Variants in ARID1A observed in about 807,000 individuals in gnomAD.
ARID1A encodes the protein AT-rich interactive domain-containing protein 1A.
A neutral mutation model predicts 212.6 loss-of-function variants in ARID1A; 20 were observed. The observed-to-expected ratio is 0.09, with a 90% CI of 0.07 to 0.14. The LOEUF (loss-of-function observed/expected upper bound fraction) is 0.14. Among genes scored for constraint, ARID1A ranks in the 10% least tolerant of loss-of-function variants. The probability of loss-of-function intolerance (pLI) is 1.00; values close to 1 mark genes in which losing one functional copy is unlikely to be tolerated. For synonymous variants in ARID1A, 1,376 were observed against 1,222.1 expected, an observed-to-expected ratio of 1.13 and a Z score of -2.63; for missense variants, 2,587 against 3,059.0, an observed-to-expected ratio of 0.85 and a Z score of 3.64.
At position 26,697,058 on chromosome 1, in the gene ARID1A, C is replaced by A. The variant is rs2124742914; in HGVS notation, c.655C>A (p.Arg219Ser). 1 of 1,525,988 alleles carries A rather than the reference C, an allele frequency of 6.6e-7. No homozygotes were observed. Among genetic ancestry groups the A allele is most frequent in the Non-Finnish European group, 8.8e-7 (1 of 1,140,928 alleles). 94.5% of individuals were successfully genotyped at this position (1,525,988 alleles called of 1,614,324 possible). A position where few individuals can be genotyped will look rare whatever the true frequency, so the allele number is the denominator to read the frequency against. ...CCAGTACAACTCCTACTACCCCAAC[C>A]GCAGCGCCTACCCCCCGCCCGCCCC... ...NHQYNSYYPN[R>S]SAYPPPAPAY... The change falls in exon 1 of 20, where the codon CGC becomes AGC. Residue 219 changes from arginine to serine, a missense_variant. By Grantham distance (110) the Arg-to-Ser change is moderately radical. Coordinates refer to ENST00000324856, the MANE Select transcript of ARID1A (RefSeq NM_006015.6).
At chr1:26,768,060 T>A in intron 11 of ARID1A, 61 bp downstream of exon 11, 1 of 1,523,592 alleles carries the variant, frequency 6.6e-7, no homozygotes, top group Non-Finnish European at 9.0e-7. Flanking sequence ...TTCTAGGTAC[T>A]CACTGGCTTC....
At chr1:26,753,787 T>C (rs2080904911) in intron 4 of ARID1A, among the ~76,000 whole-genome samples, 1 of 152,334 alleles carries the variant, frequency 6.6e-6, no homozygotes, top group South Asian at 2.1e-4. Flanking sequence ...TGTGCTCTTT[T>C]GGGAGAATTG....
chr1:26,703,868 C>G (rs1458177214), intron 1 of ARID1A, among the ~76,000 whole-genome samples: 1 of 152,198 alleles, frequency 6.6e-6, no homozygotes, highest in East Asian at 1.9e-4. Context: ...TGCTTATGTG[C>G]ACACATCTGG....
In ARID1A at chr1:26,707,380, T is replaced by C. The variant is rs541615977; in HGVS notation, c.1137+9840T>C. On this transcript the variant is annotated intron_variant, in intron 1 of 19. Transcript: ENST00000324856. The stretch of plus-strand genomic sequence containing the variant: ...CCTTCCACCACGCCCTGCTAATTTT[T>C]GTATTTTTAGTAGAGATGGGGTTTC... 2.6e-5 allele frequency among the ~76,000 whole-genome samples: 4 copies of C among 151,974 alleles called. No individual in the cohort carries two copies. In the South Asian group the frequency reaches 8.3e-4, roughly 32 times the overall value.
At chr1:26,755,134 G>A (rs1240083127) in intron 4 of ARID1A, among the ~76,000 whole-genome samples, 1 of 152,096 alleles carries the variant, frequency 6.6e-6, no homozygotes, top group African/African-American at 2.4e-5. Flanking sequence ...AACCAAAATG[G>A]TAATGGTAGT....
In ARID1A at chr1:26,777,705, G is replaced by A. The variant is rs372787405; in HGVS notation, c.5125-1318G>A. ...CCCAGCACTTCAGGAGGCCGAGGCAGGAGGATCATTTGAGGTCAGGAGTTT... is the reference window on the plus strand; with the variant it reads ...CCCAGCACTTCAGGAGGCCGAGGCAAGAGGATCATTTGAGGTCAGGAGTTT... On this transcript the variant is annotated intron_variant, in intron 19 of 19. Transcript: ENST00000324856. 1.3e-4 allele frequency among the ~76,000 whole-genome samples: 20 copies of A among 152,276 alleles called. No individual in the cohort carries two copies. The East Asian group carries it at 3.1e-3, about 24-fold the overall frequency.
intron 1 of ARID1A, among the ~76,000 whole-genome samples, chr1:26,719,897 C>T (rs1201818772): frequency 2.8e-5 from 4 of 142,862 alleles, no homozygotes; most frequent in African/African-American, 1.1e-4. Flanking sequence ...GCCGAGATCG[C>T]GCCATTACAC....
rs552879011 is a variant in ARID1A at position 26,770,902 on chromosome 1, C to CT, written c.3199-216dup. On this transcript the variant is annotated intron_variant, in intron 11 of 19. Transcript: ENST00000324856. ...TTGCCCTGTTGTGAATAAGCACAGT[C>CT]TGATAGTTGCAGTGGAACATCCTGA... The CT allele has an allele frequency of 0.01, 5,969 of 578,284 alleles. 52 individuals are homozygous for CT. The highest frequency in any genetic ancestry group is 0.014 in the Middle Eastern group (31 of 2,168). 35.8% of individuals were successfully genotyped at this position (578,284 alleles called of 1,614,324 possible).
intron 1 of ARID1A, among the ~76,000 whole-genome samples, chr1:26,718,927 T>C (rs1171276401): frequency 1.3e-5 from 2 of 152,360 alleles, no homozygotes; most frequent in African/African-American, 2.4e-5. Context: ...ACAACAGTTA[T>C]GTGATTGTGG....
In ARID1A at chr1:26,696,485, GAGC is replaced by G. The variant is rs1172366554; in HGVS notation, c.92_94del (p.Gln31del). 8 of 1,249,016 alleles carry G rather than the reference GAGC, an allele frequency of 6.4e-6. No individual in the cohort carries two copies. The highest frequency in any genetic ancestry group is 3.1e-5 in the South Asian group (1 of 31,904). The allele number at this position is 1,249,016 out of a possible 1,614,324, so 77.4% of individuals were successfully genotyped here. ...GCCGCCCTCGGAGCTGAAGAAAGCC[GAGC>G]AGCAGCAGCGGGAGGAGGCGGGGGG... On this transcript the variant is annotated inframe_deletion, in exon 1 of 20. Coordinates refer to ENST00000324856, the MANE Select transcript of ARID1A (RefSeq NM_006015.6).
rs2081101043 is a variant in ARID1A at position 26,773,346 on chromosome 1, C to T, written c.3716C>T (p.Ala1239Val). ...NKDPYGSMRK[A>V]PGSDPFMSSG... ...TCACCGCTTGCCTTTCTACGCTCAGCTCCAGGGAGTGATCCCTTCATGTCC... is the reference window on the plus strand; with the variant it reads ...TCACCGCTTGCCTTTCTACGCTCAGTTCCAGGGAGTGATCCCTTCATGTCC... The change falls in exon 15 of 20, where the codon GCT (alanine) becomes GTT (valine). Residue 1239 changes from alanine (A) to valine (V), a missense_variant and splice_region_variant. By Grantham distance (64) the Ala-to-Val change is moderately conservative. This residue lies in a region of ARID1A where 890 missense variants were observed against 1,098.2 expected (regional missense o/e 0.81). Transcript: ENST00000324856. The T allele has an allele frequency of 2.5e-6, 4 of 1,582,180 alleles. No homozygotes were observed. Among genetic ancestry groups the T allele is most frequent in the Non-Finnish European group, 3.4e-6 (4 of 1,165,794 alleles).
At chr1:26,741,533 T>G (rs1323115510) in intron 4 of ARID1A, among the ~76,000 whole-genome samples, 2 of 152,066 alleles carry the variant, frequency 1.3e-5, no homozygotes, top group East Asian at 3.8e-4. Context: ...GGCAGAATAT[T>G]AGGAGGGTAT....
Position 26,781,180 on chromosome 1 carries a change from CAAAA to C in ARID1A, c.*430_*433del, listed in dbSNP as rs957140373. 22 of 222,154 alleles carry C rather than the reference CAAAA, an allele frequency of 9.9e-5. No individual in the cohort carries two copies. The highest frequency in any genetic ancestry group is 5.0e-4 in the African/African-American group (21 of 41,712). 13.8% of individuals were successfully genotyped at this position (222,154 alleles called of 1,614,324 possible). A position where few individuals can be genotyped will look rare whatever the true frequency, so the allele number is the denominator to read the frequency against. ...ATGGTAAAAAAAAAAAAAAAAAATA[CAAAA>C]AAAAATTCTGAAGGACAAAAAAGGT... On this transcript the variant is annotated 3_prime_UTR_variant, in exon 20 of 20. Coordinates refer to ENST00000324856, the MANE Select transcript of ARID1A (RefSeq NM_006015.6).
intron 12 of ARID1A, chr1:26,772,053 C>G (rs1003827369): frequency 1.1e-5 from 2 of 173,936 alleles, no homozygotes; most frequent in African/African-American, 4.8e-5. Flanking sequence ...AGGAGTGACA[C>G]CATGCTGGAT....
chr1:26,706,696 A>T (rs144429005), intron 1 of ARID1A, among the ~76,000 whole-genome samples: 2 of 152,184 alleles, frequency 1.3e-5, no homozygotes, highest in African/African-American at 4.8e-5. Context: ...TGGGGTAGAC[A>T]TTGTTGCTTT....
rs1393101992 is a variant in ARID1A, at chr1:26,773,509, C to G, written c.3866+13C>G. On this transcript the variant is annotated intron_variant, in intron 15 of 19. Coordinates refer to ENST00000324856, the MANE Select transcript of ARID1A (RefSeq NM_006015.6). ...ATGACAGAGTGAGGTAAGCATGACC[C>G]CAGCTCCTGTCCACTCCCCCAGCAC... is the stretch of plus-strand genomic sequence containing the variant. 6.2e-7 allele frequency: 1 copy of G among 1,612,688 alleles called. No homozygotes were observed. The highest frequency in any genetic ancestry group is 2.2e-5 in the East Asian group (1 of 44,854).
At chr1:26,736,372 G>A (rs1267420195) in intron 4 of ARID1A, among the ~76,000 whole-genome samples, 1 of 150,664 alleles carries the variant, frequency 6.6e-6, no homozygotes, top group African/African-American at 2.4e-5. Context: ...GCTCACACCT[G>A]TAATCCCAGC....
intron 4 of ARID1A, among the ~76,000 whole-genome samples, chr1:26,738,924 G>GGCTGGAGT (rs2080761071): frequency 6.7e-6 from 1 of 148,442 alleles, no homozygotes; most frequent in South Asian, 2.1e-4. Context: ...CAGGCTGGAG[G>GGCTGGAGT]GCTGGAGTGC....
At position 26,749,763 on chromosome 1, in the gene ARID1A, C is replaced by G. The variant is rs138750890; in HGVS notation, c.1921-11093C>G. ...ATTCCTTTTCTGCACTGCTGCAGTTCTAGCAACAGCTCTTACCAAGTTGCC... is the reference window on the plus strand; with the variant it reads ...ATTCCTTTTCTGCACTGCTGCAGTTGTAGCAACAGCTCTTACCAAGTTGCC... On this transcript the variant is annotated intron_variant, in intron 4 of 19. Transcript: ENST00000324856. Among the ~76,000 whole-genome samples, 883 of 152,330 alleles carry G rather than the reference C, an allele frequency of 5.8e-3. 19 individuals carry two copies. Among genetic ancestry groups the G allele is most frequent in the Admixed American group, 0.031 (481 of 15,298 alleles).
Sources: gnomAD v4.1 joint callset for allele counts (sites outside exome capture counted in the v4.1 genomes callset) on GRCh38, gnomAD v4.1.1 for gene constraint, gnomAD v4.1.1 regional missense constraint, MANE v1.5 for transcripts, NCBI Gene and HGNC (gene_info 2026-07-23, HGNC 2026-07-21) for gene names.